Variants in PRIM2 observed in about 807,000 individuals in gnomAD.
PRIM2 encodes the protein DNA primase large subunit.
In PRIM2, 39 loss-of-function variants were observed where a neutral mutation model predicts 67.3. The ratio of observed to expected loss-of-function variants is 0.58; its 90% confidence interval spans 0.45 to 0.76. PRIM2 has a LOEUF of 0.76. Ranked by LOEUF, PRIM2 falls within the 30% of genes least tolerant of loss-of-function variation. The probability of loss-of-function intolerance (pLI) is 0.00; values close to 1 mark genes in which losing one functional copy is unlikely to be tolerated. For missense variants in PRIM2, 398 were observed against 598.7 expected, an observed-to-expected ratio of 0.66 and a Z score of 3.50; for synonymous variants, 143 against 198.7, an observed-to-expected ratio of 0.72 and a Z score of 2.36.
At chr6:57,446,270 A>T (rs1424465072) in intron 7 of PRIM2, among the ~76,000 whole-genome samples, 1 of 147,516 alleles carries the variant, frequency 6.8e-6, no homozygotes, top group Admixed American at 6.9e-5. Context: ...CCTCAGGATC[A>T]TGAGTAACTG....
At chr6:57,484,700 T>C (rs1773713674) in intron 7 of PRIM2, among the ~76,000 whole-genome samples, 2 of 152,300 alleles carry the variant, frequency 1.3e-5, no homozygotes, top group South Asian at 2.1e-4. Context: ...TTTAGGCCCT[T>C]TACATTTGCT....
At chr6:57,377,340 G>A (rs1275447699) in intron 5 of PRIM2, among the ~76,000 whole-genome samples, 2 of 151,814 alleles carry the variant, frequency 1.3e-5, no homozygotes, top group Non-Finnish European at 2.9e-5. Context: ...ATACTTTTTT[G>A]TTCTTACCTA....
intron 3 of PRIM2, among the ~76,000 whole-genome samples, chr6:57,322,225 C>G (rs1246796658): frequency 6.6e-6 from 1 of 152,056 alleles, no homozygotes; most frequent in East Asian, 1.9e-4. Context: ...ATAAGCTGAG[C>G]AGAAGATCTA....
intron 8 of PRIM2, among the ~76,000 whole-genome samples, chr6:57,529,270 A>G (rs1340362733): frequency 7.4e-4 from 112 of 152,002 alleles, no homozygotes; most frequent in African/African-American, 2.5e-3. Context: ...AGATCGCCCC[A>G]CTGCACTCCA....
intron 5 of PRIM2, among the ~76,000 whole-genome samples, chr6:57,371,434 A>G (rs1171341087): frequency 6.6e-6 from 1 of 152,176 alleles, no homozygotes; most frequent in Admixed American, 6.5e-5. Flanking sequence ...TAGGACAAAC[A>G]TCTGTATGTT....
intron 10 of PRIM2, among the ~76,000 whole-genome samples, chr6:57,548,982 T>C (rs1162903857): frequency 6.6e-6 from 1 of 152,170 alleles, no homozygotes; most frequent in Non-Finnish European, 1.5e-5. Context: ...TCCTAGCATA[T>C]GCTAGGCTCT....
chr6:57,604,324 G>A (rs1776523463), intron 11 of PRIM2, among the ~76,000 whole-genome samples: 1 of 152,156 alleles, frequency 6.6e-6, no homozygotes. Context: ...TTTGTATCCT[G>A]AAACTTTGCT....
chr6:57,318,376 CT>C (rs924838462), intron 1 of PRIM2, 60 bp from the exon 2 acceptor site: 59 of 1,442,546 alleles, frequency 4.1e-5, no homozygotes, highest in South Asian at 7.0e-5. Flanking sequence ...CGTGTTTTTT[CT>C]TTTTTTTCCC....
chr6:57,557,575 C>T (rs1346371967), intron 10 of PRIM2, among the ~76,000 whole-genome samples: 17 of 151,984 alleles, frequency 1.1e-4, no homozygotes, highest in African/African-American at 4.1e-4. Context: ...GATGAGAACT[C>T]ATGAGCATAG....
the PRIM2 span, among the ~76,000 whole-genome samples, chr6:57,240,834 A>T: frequency 2.1e-4 from 32 of 152,176 alleles, no homozygotes; most frequent in Non-Finnish European, 4.1e-4. Flanking sequence ...CACACCTGTA[A>T]TCTCAACACT....
At chr6:57,551,345 G>A (rs1465508174) in intron 10 of PRIM2, among the ~76,000 whole-genome samples, 1 of 152,150 alleles carries the variant, frequency 6.6e-6, no homozygotes, top group Non-Finnish European at 1.5e-5. Flanking sequence ...TTACTGTTCT[G>A]TATTGATAAG....
chr6:57,320,786 T>A lies in PRIM2; in HGVS notation c.258+226T>A, dbSNP rs572804027. Among the ~76,000 whole-genome samples the A allele has an allele frequency of 3.9e-5, 6 of 152,280 alleles. No individual in the cohort carries two copies. The South Asian group carries it at 1.2e-3, about 32-fold the overall frequency. ...CTAACATCATTTTGGGTCTGATAATTCCTTGTTGCAGGGATTGTTCTGTGC... is the reference window on the plus strand; with the variant it reads ...CTAACATCATTTTGGGTCTGATAATACCTTGTTGCAGGGATTGTTCTGTGC... On this transcript the variant is annotated intron_variant, in intron 3 of 13. Transcript: ENST00000615550.
chr6:57,341,776 G>A lies in PRIM2; in HGVS notation c.459+15731G>A, dbSNP rs528899474. ...TGTTTCATGAGGTGGTGTCTGATGTGTGACCTGCTGCCTAAGTCAGGTGCT... is the reference window on the plus strand; with the variant it reads ...TGTTTCATGAGGTGGTGTCTGATGTATGACCTGCTGCCTAAGTCAGGTGCT... On this transcript the variant is annotated intron_variant, in intron 5 of 13. Coordinates refer to ENST00000615550, the MANE Select transcript of PRIM2 (RefSeq NM_000947.5). 5.3e-5 allele frequency among the ~76,000 whole-genome samples: 8 copies of A among 152,318 alleles called. No individual in the cohort carries two copies. In the East Asian group the frequency reaches 1.5e-3, roughly 29 times the overall value.
the PRIM2 span, among the ~76,000 whole-genome samples, chr6:57,287,740 T>C: frequency 2.0e-5 from 3 of 151,160 alleles, no homozygotes; most frequent in Admixed American, 6.6e-5. Context: ...CAAAGCTGCA[T>C]GTTCAGCACA....
the PRIM2 span, among the ~76,000 whole-genome samples, chr6:57,272,974 T>C: frequency 2.0e-5 from 3 of 152,362 alleles, no homozygotes; most frequent in African/African-American, 7.2e-5. Context: ...TTCTGGCTTG[T>C]GGGGTTTCTG....
At chr6:57,488,287 T>C (rs1773799572) in intron 7 of PRIM2, among the ~76,000 whole-genome samples, 1 of 152,208 alleles carries the variant, frequency 6.6e-6, no homozygotes. Flanking sequence ...GAATGGCCAA[T>C]AAGTTTTCTG....
intron 6 of PRIM2, 131 bp from the exon 7 acceptor site, chr6:57,381,900 T>G: frequency 1.1e-6 from 1 of 927,500 alleles, no homozygotes; most frequent in Non-Finnish European, 1.5e-6. Context: ...GAGGATAAAT[T>G]AATCATTTTG....
chr6:57,628,329 A>G (rs1348326176), intron 12 of PRIM2, among the ~76,000 whole-genome samples: 10 of 152,132 alleles, frequency 6.6e-5, no homozygotes, highest in African/African-American at 2.4e-4. Flanking sequence ...CTGGCCTGCC[A>G]TCTTGGGAAG....
chr6:57,445,939 C>T (rs1358718493), intron 7 of PRIM2, among the ~76,000 whole-genome samples: 1 of 152,204 alleles, frequency 6.6e-6, no homozygotes, highest in Non-Finnish European at 1.5e-5. Flanking sequence ...GCCTGACACA[C>T]CACAGTAATG....
Sources: allele counts gnomAD v4.1 joint callset (sites outside exome capture counted in the v4.1 genomes callset), GRCh38; gene constraint gnomAD v4.1.1; transcripts MANE v1.5; gene names NCBI Gene and HGNC (gene_info 2026-07-23, HGNC 2026-07-21).